Variants in KAZN observed in about 807,000 individuals in gnomAD.
The protein encoded by KAZN is kazrin, periplakin interacting protein.
KAZN carries 40 observed loss-of-function variants against 87.4 expected under a neutral mutation model. The observed-to-expected ratio is 0.46, with a 90% CI of 0.36 to 0.60. The LOEUF (loss-of-function observed/expected upper bound fraction) is 0.60. Among genes scored for constraint, KAZN ranks in the 20% least tolerant of loss-of-function variants. The pLI is 0.00. For missense variants in KAZN, 898 were observed against 1,073.9 expected (o/e 0.84, Z 2.29); for synonymous variants, 466 against 458.3 (o/e 1.02, Z -0.22).
chr1:14,596,487 A>G (rs539360561), upstream of KAZN, among the ~76,000 whole-genome samples: 2 of 152,342 alleles, frequency 1.3e-5, no homozygotes, highest in South Asian at 2.1e-4. Flanking sequence ...AAAGTGAACA[A>G]TTCAATGGCA....
intron 1 of KAZN, among the ~76,000 whole-genome samples, chr1:14,819,884 AT>A (rs900776794): frequency 6.6e-6 from 1 of 151,658 alleles, no homozygotes; most frequent in African/African-American, 2.4e-5. Flanking sequence ...ATTTTTAAAT[AT>A]TTTTAGTAGA....
chr1:13,949,044 T>C (rs1482379227), intron 1 of KAZN, among the ~76,000 whole-genome samples: 3 of 152,192 alleles, frequency 2.0e-5, no homozygotes, highest in African/African-American at 7.2e-5. Context: ...CGCTGATAAA[T>C]GCTGAGTAAA....
chr1:13,983,884 G>A (rs997675421), intron 1 of KAZN, among the ~76,000 whole-genome samples: 1 of 151,806 alleles, frequency 6.6e-6, no homozygotes, highest in African/African-American at 2.4e-5. Context: ...TGTGTGGGTT[G>A]AAGGTGGGGG....
chr1:14,402,484 A>T (rs1663498918), intron 2 of KAZN, among the ~76,000 whole-genome samples: 1 of 152,184 alleles, frequency 6.6e-6, no homozygotes, highest in Non-Finnish European at 1.5e-5. Context: ...TAAAGGACTC[A>T]AGCAAATAGG....
chr1:14,689,213 A>G (rs1641141560), intron 1 of KAZN, among the ~76,000 whole-genome samples: 1 of 151,786 alleles, frequency 6.6e-6, no homozygotes, highest in South Asian at 2.1e-4. Flanking sequence ...ACAAAACAAA[A>G]CAAAACAAAA....
intron 1 of KAZN, among the ~76,000 whole-genome samples, chr1:14,143,875 G>A (rs944868885): frequency 3.9e-5 from 6 of 152,014 alleles, no homozygotes; most frequent in Admixed American, 2.6e-4. Context: ...GTGCCACCAT[G>A]CCTGGCTATT....
At chr1:13,992,162 A>G (rs1639311722) in intron 1 of KAZN, among the ~76,000 whole-genome samples, 1 of 152,120 alleles carries the variant, frequency 6.6e-6, no homozygotes, top group African/African-American at 2.4e-5. Context: ...TTCATGAAAA[A>G]TATTTTTGTC....
At chr1:14,555,420 C>T (rs1226157931) in intron 2 of KAZN, among the ~76,000 whole-genome samples, 1 of 152,194 alleles carries the variant, frequency 6.6e-6, no homozygotes, top group Non-Finnish European at 1.5e-5. Context: ...AAGCTTTCTA[C>T]AATTGTAGTT....
At chr1:14,461,141 C>G (rs1266833437) in intron 2 of KAZN, among the ~76,000 whole-genome samples, 1 of 152,198 alleles carries the variant, frequency 6.6e-6, no homozygotes, top group Admixed American at 6.5e-5. Context: ...GACCTGGAAT[C>G]CAGCAACAGC....
chr1:14,635,047 G>A (rs1183884731), intron 1 of KAZN, among the ~76,000 whole-genome samples: 2 of 152,286 alleles, frequency 1.3e-5, no homozygotes, highest in East Asian at 3.9e-4. Context: ...GAAGGGAATG[G>A]TACCCACCCC....
At chr1:14,861,640 A>T (rs1433594282) in intron 1 of KAZN, among the ~76,000 whole-genome samples, 1 of 152,090 alleles carries the variant, frequency 6.6e-6, no homozygotes, top group Non-Finnish European at 1.5e-5. Flanking sequence ...TGTTCAGCTA[A>T]GGTTCGCTCC....
At chr1:14,528,591 C>G (rs1332809771) in intron 2 of KAZN, among the ~76,000 whole-genome samples, 1 of 150,184 alleles carries the variant, frequency 6.7e-6, no homozygotes, top group Non-Finnish European at 1.5e-5. Context: ...CAAGACCAGC[C>G]TGGCAAAACC....
chr1:14,037,357 T>C (rs1641604142), intron 1 of KAZN, among the ~76,000 whole-genome samples: 1 of 152,244 alleles, frequency 6.6e-6, no homozygotes, highest in Non-Finnish European at 1.5e-5. Flanking sequence ...CCTCTCTAAA[T>C]TCACCTAAAG....
chr1:14,421,454 C>T (rs1665422841), intron 2 of KAZN, among the ~76,000 whole-genome samples: 1 of 152,088 alleles, frequency 6.6e-6, no homozygotes, highest in East Asian at 1.9e-4. Flanking sequence ...ATCCCTTGAT[C>T]CCTGATTAGG....
chr1:14,297,299 C>T (rs1654199788), intron 2 of KAZN, among the ~76,000 whole-genome samples: 1 of 152,134 alleles, frequency 6.6e-6, no homozygotes, highest in Admixed American at 6.5e-5. Context: ...TTATTGCAAG[C>T]CAGAAAAACA....
chr1:14,041,754 T>G (rs1255736456), intron 1 of KAZN, among the ~76,000 whole-genome samples: 1 of 152,248 alleles, frequency 6.6e-6, no homozygotes, highest in Non-Finnish European at 1.5e-5. Context: ...CCTCCTTCCC[T>G]TGTAGTTTCC....
chr1:14,761,049 T>G (rs987294206), intron 1 of KAZN, among the ~76,000 whole-genome samples: 8 of 152,184 alleles, frequency 5.3e-5, no homozygotes, highest in African/African-American at 1.9e-4. Flanking sequence ...AACACTGGTC[T>G]ACAAAACAAC....
intron 1 of KAZN, among the ~76,000 whole-genome samples, chr1:14,652,221 A>G (rs1448071945): frequency 6.6e-6 from 1 of 152,224 alleles, no homozygotes; most frequent in Non-Finnish European, 1.5e-5. Flanking sequence ...TAAATCTGTG[A>G]CAAGTGCTCT....
intron 1 of KAZN, among the ~76,000 whole-genome samples, chr1:13,932,945 A>T (rs1322825519): frequency 6.6e-6 from 1 of 152,226 alleles, no homozygotes; most frequent in Non-Finnish European, 1.5e-5. Flanking sequence ...TGGGGGAATA[A>T]TTTTAGATTT....
Sources: allele counts gnomAD v4.1 joint callset (sites outside exome capture counted in the v4.1 genomes callset), GRCh38; gene constraint gnomAD v4.1.1; transcripts MANE v1.5; gene names NCBI Gene and HGNC (gene_info 2026-07-23, HGNC 2026-07-21).